ARHGAP26: variants seen among roughly 807,000 people sequenced by gnomAD.
The protein encoded by ARHGAP26 is Rho GTPase activating protein 26, also known as rho GTPase-activating protein 26.
In ARHGAP26, 38 loss-of-function variants were observed where a neutral mutation model predicts 104.8. The ratio of observed to expected loss-of-function variants is 0.36; its 90% confidence interval spans 0.28 to 0.48. ARHGAP26 has a LOEUF of 0.48. ARHGAP26 is among the 20% of genes least tolerant of loss of function. The pLI, the probability that ARHGAP26 is intolerant of heterozygous loss-of-function variation, is 0.99. For synonymous variants in ARHGAP26, 341 were observed against 340.0 expected (o/e 1.00, Z -0.03); for missense variants, 704 against 947.9 (o/e 0.74, Z 3.38).
chr5:143,101,439 A>C lies in ARHGAP26; in HGVS notation c.1539-19549A>C, dbSNP rs574031418. Among the ~76,000 whole-genome samples the C allele has an allele frequency of 8.5e-5, 13 of 152,098 alleles. No homozygotes were observed. In the East Asian group the frequency reaches 1.2e-3, roughly 14 times the overall value. On this transcript the variant is annotated intron_variant, in intron 17 of 22. Coordinates refer to ENST00000645722, the MANE Select transcript of ARHGAP26 (RefSeq NM_001135608.3). ...ATGTGTCTTTCCTGGGCCTTCATAC[A>C]GTCCTCACTCTTTCCTTTGGTTTTT...
At chr5:143,100,599 C>T (rs779094279) in intron 17 of ARHGAP26, among the ~76,000 whole-genome samples, 1 of 152,248 alleles carries the variant, frequency 6.6e-6, no homozygotes, top group Non-Finnish European at 1.5e-5. Context: ...ATTTGGGAAG[C>T]GTAGCTTCCT....
chr5:142,918,578 G>A (rs37192), intron 10 of ARHGAP26, among the ~76,000 whole-genome samples: 30,901 of 151,954 alleles, frequency 0.2, 3,789 homozygotes, highest in East Asian at 0.46. Flanking sequence ...CTTTTGTATT[G>A]GCTTCTACAT....
At chr5:142,964,323 A>G (rs534382947) in intron 11 of ARHGAP26, among the ~76,000 whole-genome samples, 1 of 152,098 alleles carries the variant, frequency 6.6e-6, no homozygotes, top group Admixed American at 6.5e-5. Context: ...CATTTGTTCT[A>G]TTTACTAAAT....
At chr5:143,166,944 G>T (rs73290156) in intron 20 of ARHGAP26, among the ~76,000 whole-genome samples, 2 of 152,134 alleles carry the variant, frequency 1.3e-5, no homozygotes, top group African/African-American at 2.4e-5. Flanking sequence ...AATAATTGCT[G>T]ATGAGGCAAA....
chr5:143,147,050 G>C lies in ARHGAP26; in HGVS notation c.1838-181G>C, dbSNP rs117906723. The stretch of plus-strand genomic sequence containing the variant: ...TTTGCTTTAAAATTTCGAGTCACCT[G>C]TTCCCCCTTGACTCTTCCTTTCCCA... On this transcript the variant is annotated intron_variant, in intron 19 of 22. Transcript: ENST00000645722. Among the ~76,000 whole-genome samples the C allele has an allele frequency of 1.7e-3, 262 of 152,270 alleles. 6 individuals are homozygous for C. The East Asian group carries it at 0.041, about 24-fold the overall frequency.
In ARHGAP26 at chr5:142,827,318, G is replaced by A. The variant is rs1022458300; in HGVS notation, c.155-46082G>A. Among the ~76,000 whole-genome samples the A allele has an allele frequency of 2.6e-5, 4 of 152,274 alleles. No homozygotes were observed. The East Asian group carries it at 5.8e-4, about 22-fold the overall frequency. ...TGCAGGAGGGATTGAGAGCTTGGGC[G>A]CAGGAGTCTCCTGAACGTGGGCTCA... On this transcript the variant is annotated intron_variant, in intron 1 of 22. Coordinates refer to ENST00000645722, the MANE Select transcript of ARHGAP26 (RefSeq NM_001135608.3).
At chr5:142,886,206 G>A (rs13188048) in intron 5 of ARHGAP26, among the ~76,000 whole-genome samples, 10 of 152,164 alleles carry the variant, frequency 6.6e-5, no homozygotes, top group Non-Finnish European at 1.5e-4. Flanking sequence ...TGCCAAAAGA[G>A]GCTACCGTGG....
intron 11 of ARHGAP26, among the ~76,000 whole-genome samples, chr5:142,950,343 G>A (rs1443086793): frequency 2.6e-5 from 4 of 151,948 alleles, no homozygotes; most frequent in African/African-American, 7.3e-5. Context: ...TTTGATTAGT[G>A]TATATACTTT....
intron 20 of ARHGAP26, among the ~76,000 whole-genome samples, chr5:143,149,623 G>A (rs537233124): frequency 2.2e-4 from 34 of 152,232 alleles, no homozygotes; most frequent in African/African-American, 6.3e-4. Flanking sequence ...GAAATCTGTC[G>A]GCACACAGAC....
At chr5:142,964,176 C>T (rs1389985385) in intron 11 of ARHGAP26, among the ~76,000 whole-genome samples, 1 of 151,790 alleles carries the variant, frequency 6.6e-6, no homozygotes. Flanking sequence ...AGCCTTTTAC[C>T]CTGAAGGATA....
chr5:142,975,149 G>A (rs1038369061), intron 11 of ARHGAP26, among the ~76,000 whole-genome samples: 1 of 152,144 alleles, frequency 6.6e-6, no homozygotes, highest in African/African-American at 2.4e-5. Context: ...TGGAAATGAT[G>A]GTAGACTGAG....
intron 11 of ARHGAP26, among the ~76,000 whole-genome samples, chr5:142,960,148 G>A (rs1021847711): frequency 5.9e-5 from 9 of 152,232 alleles, no homozygotes; most frequent in Non-Finnish European, 1.3e-4. Flanking sequence ...AGTGTTTGCT[G>A]GTAGCAGCAG....
In ARHGAP26 at chr5:143,081,241, C is replaced by A. The variant is rs114575943; in HGVS notation, c.1538+23494C>A. Among the ~76,000 whole-genome samples, 426 of 152,178 alleles carry A rather than the reference C, an allele frequency of 2.8e-3. 2 individuals carry two copies. The highest frequency in any genetic ancestry group is 1.0e-2 in the African/African-American group (413 of 41,500). ...GGATAGAGGAGGAGAGGAGCCAGGA[C>A]AGAGTCCTGGGGCTCTACAGCATTT... On this transcript the variant is annotated intron_variant, in intron 17 of 22. Coordinates refer to ENST00000645722, the MANE Select transcript of ARHGAP26 (RefSeq NM_001135608.3).
At chr5:143,110,035 C>T (rs1794577564) in intron 17 of ARHGAP26, among the ~76,000 whole-genome samples, 1 of 152,200 alleles carries the variant, frequency 6.6e-6, no homozygotes, top group South Asian at 2.1e-4. Flanking sequence ...CAGGTACTTA[C>T]CCCGAGGTGT....
intron 20 of ARHGAP26, among the ~76,000 whole-genome samples, chr5:143,185,296 C>T (rs258776): frequency 0.59 from 89,768 of 152,042 alleles, 28,279 homozygotes; most frequent in East Asian, 0.93. Flanking sequence ...AACTGTGGTA[C>T]CTGGAGTAGG....
chr5:143,145,599 C>T (rs1338694497), intron 19 of ARHGAP26, among the ~76,000 whole-genome samples: 1 of 152,234 alleles, frequency 6.6e-6, no homozygotes, highest in Non-Finnish European at 1.5e-5. Context: ...TTCCCATTTA[C>T]AGGCCCTGTT....
chr5:143,217,573 A>G (rs939373998), intron 22 of ARHGAP26, among the ~76,000 whole-genome samples: 1 of 152,188 alleles, frequency 6.6e-6, no homozygotes, highest in Non-Finnish European at 1.5e-5. Context: ...ATTCATTCCC[A>G]TGGTACCTAA....
chr5:143,159,211 CT>C lies in ARHGAP26; in HGVS notation c.1988+11831del, dbSNP rs1435961838. 1.2e-4 allele frequency among the ~76,000 whole-genome samples: 19 copies of C among 152,210 alleles called. No individual in the cohort carries two copies. In the East Asian group the frequency reaches 3.5e-3, roughly 28 times the overall value. On this transcript the variant is annotated intron_variant, in intron 20 of 22. Coordinates refer to ENST00000645722, the MANE Select transcript of ARHGAP26 (RefSeq NM_001135608.3). The stretch of plus-strand genomic sequence containing the variant: ...AAATGCCTTGGCCGTCTCCTTCCCC[CT>C]GCTAGTCTAAAGAGCTCCCCATTGG...
chr5:142,805,452 C>T (rs958657179), intron 1 of ARHGAP26, among the ~76,000 whole-genome samples: 3 of 152,094 alleles, frequency 2.0e-5, no homozygotes, highest in Non-Finnish European at 4.4e-5. Context: ...ATCATTTTTA[C>T]TTTTTGGCTA....
Sources: gnomAD v4.1 joint callset for allele counts (sites outside exome capture counted in the v4.1 genomes callset) on GRCh38, gnomAD v4.1.1 for gene constraint, MANE v1.5 for transcripts, NCBI Gene and HGNC (gene_info 2026-07-23, HGNC 2026-07-21) for gene names.